Variants in SBF2 observed in about 807,000 individuals in gnomAD.
SBF2 encodes myotubularin-related protein 13.
A neutral mutation model predicts 225.2 loss-of-function variants in SBF2; 112 were observed. The ratio of observed to expected loss-of-function variants is 0.50; its 90% CI spans 0.43 to 0.58. SBF2 has a LOEUF of 0.58. SBF2 is among the 20% of genes least tolerant of loss of function. The pLI is 0.00. For missense variants in SBF2, 1,996 were observed against 2,206.2 expected (o/e 0.90, Z 1.91); for synonymous variants, 763 against 773.3 (o/e 0.99, Z 0.22).
chr11:10,053,581 T>C lies in SBF2; in HGVS notation c.142-10600A>G, dbSNP rs543325945. 4.6e-5 allele frequency among the ~76,000 whole-genome samples: 7 copies of C among 152,180 alleles called. No homozygotes were observed. In the South Asian group the frequency reaches 1.2e-3, roughly 27 times the overall value. ...TCAGATGTGTGCTCTGAACATTATA[T>C]AGATATTCTTCAAAAGTTTGAAAAA... On this transcript the variant is annotated intron_variant, in intron 2 of 39. Coordinates refer to ENST00000256190, the MANE Select transcript of SBF2 (RefSeq NM_030962.4).
At chr11:10,206,240 G>A (rs1369673751) in intron 1 of SBF2, among the ~76,000 whole-genome samples, 3 of 150,824 alleles carry the variant, frequency 2.0e-5, no homozygotes, top group Non-Finnish European at 4.4e-5. Flanking sequence ...GGGAGCTCTA[G>A]TGCTGCCTGA....
At chr11:10,148,512 A>G (rs1954996813) in intron 2 of SBF2, among the ~76,000 whole-genome samples, 1 of 151,404 alleles carries the variant, frequency 6.6e-6, no homozygotes, top group Admixed American at 6.6e-5. Flanking sequence ...TTTTTTTTTA[A>G]TTCTTCCTCC....
intron 6 of SBF2, among the ~76,000 whole-genome samples, chr11:10,015,214 A>G (rs1425016093): frequency 6.6e-6 from 1 of 152,150 alleles, no homozygotes; most frequent in African/African-American, 2.4e-5. Context: ...GATTATGTAA[A>G]ATATTGTTAT....
chr11:10,075,550 A>T (rs1043303276), intron 2 of SBF2, among the ~76,000 whole-genome samples: 1 of 152,184 alleles, frequency 6.6e-6, no homozygotes, highest in African/African-American at 2.4e-5. Flanking sequence ...TGCTGTTCTT[A>T]TGATAGTGAA....
intron 1 of SBF2, among the ~76,000 whole-genome samples, chr11:10,290,037 T>A (rs929752216): frequency 1.3e-5 from 2 of 152,212 alleles, no homozygotes; most frequent in African/African-American, 4.8e-5. Flanking sequence ...TTCGCTGCCA[T>A]CAACATGACA....
At chr11:10,286,574 G>A (rs1209802779) in intron 1 of SBF2, among the ~76,000 whole-genome samples, 1 of 151,876 alleles carries the variant, frequency 6.6e-6, no homozygotes, top group Non-Finnish European at 1.5e-5. Flanking sequence ...TGGCCAGGAT[G>A]GTCTCGTTCT....
intron 3 of SBF2, among the ~76,000 whole-genome samples, chr11:10,036,960 T>G (rs1440002135): frequency 6.6e-6 from 1 of 152,210 alleles, no homozygotes; most frequent in Non-Finnish European, 1.5e-5. Flanking sequence ...GAAAAGGTAT[T>G]TGATGTTGAA....
At chr11:10,104,716 G>C (rs1305264017) in intron 2 of SBF2, among the ~76,000 whole-genome samples, 3 of 152,032 alleles carry the variant, frequency 2.0e-5, no homozygotes, top group African/African-American at 7.2e-5. Flanking sequence ...GTCTAGGTGG[G>C]GAGACAGATT....
At chr11:9,917,271 C>T (rs943707447) in intron 16 of SBF2, among the ~76,000 whole-genome samples, 2 of 151,472 alleles carry the variant, frequency 1.3e-5, no homozygotes, top group African/African-American at 4.9e-5. Context: ...TATTCTTGAA[C>T]TGATTTCCTT....
intron 16 of SBF2, among the ~76,000 whole-genome samples, chr11:9,954,941 G>C (rs1464798154): frequency 6.6e-6 from 1 of 152,030 alleles, no homozygotes; most frequent in Non-Finnish European, 1.5e-5. Context: ...GAAATTGCCT[G>C]ACTTTAGGAC....
chr11:9,856,476 T>C lies in SBF2; in HGVS notation c.2345A>G (p.Asn782Ser). The change falls in exon 19 of 40, where the codon AAC becomes AGC. Residue 782 changes from asparagine to serine, a missense_variant. Physicochemically the swap from Asn to Ser is conservative, Grantham distance 46 (BLOSUM62 1). Coordinates refer to ENST00000256190, the MANE Select transcript of SBF2 (RefSeq NM_030962.4). The stretch of plus-strand genomic sequence containing the variant: ...TTGGTACCTGTTTGTGACAATGCTG[T>C]TGCTTCCGCTCTCCCAGTCACCTGG... ...SAPGDWESGS[N>S]SIVTNSIAGS... The C allele has an allele frequency of 6.2e-7, 1 of 1,614,070 alleles. No homozygotes were observed.
rs554501222 is a variant in SBF2, at chr11:10,030,970, C to A, written c.402+78G>T. ...AATCAATCTAACAATATTTTCAATCCAAAGAACTTGTACCATGGTTCATTC... is the reference window on the plus strand; with the variant it reads ...AATCAATCTAACAATATTTTCAATCAAAAGAACTTGTACCATGGTTCATTC... On this transcript the variant is annotated intron_variant, in intron 4 of 39. Coordinates refer to ENST00000256190, the MANE Select transcript of SBF2 (RefSeq NM_030962.4). 47 of 1,255,904 alleles carry A rather than the reference C, an allele frequency of 3.7e-5. No individual in the cohort carries two copies. The East Asian group carries it at 1.1e-3, about 29-fold the overall frequency. The allele number at this position is 1,255,904 out of a possible 1,614,324, so 77.8% of individuals were successfully genotyped here.
chr11:10,193,418 G>A (rs184360109), intron 2 of SBF2, among the ~76,000 whole-genome samples: 8 of 142,456 alleles, frequency 5.6e-5, no homozygotes, highest in Admixed American at 1.5e-4. Context: ...GCAGTGGCAC[G>A]ATCTTGGCTC....
intron 1 of SBF2, among the ~76,000 whole-genome samples, chr11:10,238,061 C>T (rs1325241860): frequency 4.6e-5 from 7 of 152,138 alleles, no homozygotes; most frequent in African/African-American, 1.7e-4. Flanking sequence ...TCTGATAACA[C>T]TCCTATCAGA....
chr11:10,297,495 C>A (rs2133651307), upstream of SBF2, among the ~76,000 whole-genome samples: 2 of 152,240 alleles, frequency 1.3e-5, no homozygotes, highest in East Asian at 3.9e-4. Context: ...TGAAGATTTA[C>A]TGGTTTCCTT....
intron 2 of SBF2, among the ~76,000 whole-genome samples, chr11:10,079,485 T>G (rs1412468221): frequency 4.6e-5 from 7 of 152,094 alleles, no homozygotes; most frequent in African/African-American, 1.7e-4. Flanking sequence ...CTAGACCAAA[T>G]GGAAGAAAGA....
intron 1 of SBF2, among the ~76,000 whole-genome samples, chr11:10,199,861 T>A (rs559827339): frequency 1.6e-4 from 24 of 152,288 alleles, no homozygotes; most frequent in Non-Finnish European, 2.1e-4. Context: ...GTGTACCTAC[T>A]ATGGAAAATA....
chr11:10,036,945 T>G (rs1590810255), intron 3 of SBF2, among the ~76,000 whole-genome samples: 2 of 152,288 alleles, frequency 1.3e-5, no homozygotes, highest in South Asian at 4.1e-4. Context: ...GTTGTCAAAA[T>G]TTAAGAAAAG....
chr11:10,157,996 T>C (rs1955554207), intron 2 of SBF2, among the ~76,000 whole-genome samples: 1 of 152,190 alleles, frequency 6.6e-6, no homozygotes, highest in African/African-American at 2.4e-5. Flanking sequence ...GAATATTTTC[T>C]AAATAAATTG....
Sources: allele counts gnomAD v4.1 joint callset (sites outside exome capture counted in the v4.1 genomes callset), GRCh38; gene constraint gnomAD v4.1.1; transcripts MANE v1.5; gene names NCBI Gene and HGNC (gene_info 2026-07-23, HGNC 2026-07-21).